Variants in AGMO observed in about 807,000 individuals in gnomAD.
AGMO encodes glyceryl-ether monooxygenase.
In AGMO, 75 loss-of-function variants were observed where a neutral mutation model predicts 60.2. That is an observed-to-expected ratio of 1.25 (90% CI 1.03 to 1.51). The LOEUF (loss-of-function observed/expected upper bound fraction) is 1.51, where lower values mean the gene tolerates loss of function less well. AGMO is among the 40% of genes most tolerant of loss of function. The pLI, the probability that AGMO is intolerant of heterozygous loss-of-function variation, is 0.00. For synonymous variants in AGMO, 261 were observed against 177.1 expected (o/e 1.47, Z -3.76); for missense variants, 763 against 525.5 (o/e 1.45, Z -4.42).
chr7:15,401,153 T>G (rs1179330623), intron 5 of AGMO, among the ~76,000 whole-genome samples: 1 of 152,170 alleles, frequency 6.6e-6, no homozygotes, highest in Non-Finnish European at 1.5e-5. Context: ...ACCTAAAAAA[T>G]GTAATTCTGT....
chr7:15,121,314 C>T, the AGMO span, among the ~76,000 whole-genome samples: 2 of 152,082 alleles, frequency 1.3e-5, no homozygotes, highest in African/African-American at 4.8e-5. Context: ...TAGAATGATT[C>T]ATAATCCTTT....
At chr7:15,316,729 CT>C (rs1655716935) in intron 12 of AGMO, among the ~76,000 whole-genome samples, 2 of 152,138 alleles carry the variant, frequency 1.3e-5, no homozygotes, top group African/African-American at 4.8e-5. Context: ...AACGTTTCCC[CT>C]CTCACTGTTT....
the AGMO span, among the ~76,000 whole-genome samples, chr7:15,174,287 C>G: frequency 6.6e-6 from 1 of 152,044 alleles, no homozygotes; most frequent in Non-Finnish European, 1.5e-5. Context: ...ATCTGGAAAA[C>G]TAAAGTTAAC....
chr7:15,354,452 GTA>G (rs374538625), intron 12 of AGMO, among the ~76,000 whole-genome samples: 383 of 22,170 alleles, frequency 0.017, 23 homozygotes, highest in Middle Eastern at 0.05. Flanking sequence ...ACACGTGTGT[GTA>G]TACACACGTG....
At chr7:15,423,149 C>A (rs34979348) in intron 4 of AGMO, among the ~76,000 whole-genome samples, 6 of 152,068 alleles carry the variant, frequency 3.9e-5, no homozygotes, top group African/African-American at 1.4e-4. Context: ...GTACATATTT[C>A]TAGGATTTTC....
chr7:15,390,851 T>C lies in AGMO; in HGVS notation c.731A>G (p.Asp244Gly). Residue 244 changes from aspartate (D) to glycine (G), a missense_variant, in exon 7 of 13, where the codon GAT becomes GGT. By Grantham distance (94) the Asp-to-Gly change is moderately conservative. Coordinates refer to ENST00000342526, the MANE Select transcript of AGMO (RefSeq NM_001004320.2). Reference sequence around the variant, plus strand: ...TACATTTTACTTACCAAAAATTTTATCCCAAATAATAAGAACACCAGCATA... The same window carrying C: ...TACATTTTACTTACCAAAAATTTTACCCCAAATAATAAGAACACCAGCATA... ...KNYAGVLIIW[D>G]KIFGTFEAEN... 6.2e-7 allele frequency: 1 copy of C among 1,605,362 alleles called. No homozygotes were observed. Among genetic ancestry groups the C allele is most frequent in the African/African-American group, 1.3e-5 (1 of 74,840 alleles).
chr7:15,397,452 C>T (rs887388236), intron 5 of AGMO, among the ~76,000 whole-genome samples: 1 of 152,146 alleles, frequency 6.6e-6, no homozygotes, highest in East Asian at 1.9e-4. Context: ...GAGGGCCCCC[C>T]ACAGCGCAGC....
At chr7:15,223,065 T>C (rs113453002) in intron 12 of AGMO, among the ~76,000 whole-genome samples, 3 of 152,158 alleles carry the variant, frequency 2.0e-5, no homozygotes, top group African/African-American at 7.2e-5. Flanking sequence ...TGTAGTTTAG[T>C]TTTATATTTA....
intron 12 of AGMO, among the ~76,000 whole-genome samples, chr7:15,222,147 T>C (rs975018919): frequency 6.6e-6 from 1 of 152,124 alleles, no homozygotes; most frequent in African/African-American, 2.4e-5. Flanking sequence ...TTTTAGTCAC[T>C]TTATTAAAGC....
At chr7:15,493,353 ACACACACAC>A (rs1353317333) in intron 3 of AGMO, among the ~76,000 whole-genome samples, 1 of 83,340 alleles carries the variant, frequency 1.2e-5, no homozygotes, top group Admixed American at 1.6e-4. Context: ...ACACACACAC[ACACACACAC>A]TTCTTTTTTT....
the AGMO span, among the ~76,000 whole-genome samples, chr7:15,121,952 C>T: frequency 6.6e-6 from 1 of 152,086 alleles, no homozygotes; most frequent in African/African-American, 2.4e-5. Context: ...CCATTAAAAA[C>T]CCTGGAAGAA....
At chr7:15,341,707 G>T (rs879453568) in intron 12 of AGMO, among the ~76,000 whole-genome samples, 1 of 152,070 alleles carries the variant, frequency 6.6e-6, no homozygotes, top group Non-Finnish European at 1.5e-5. Context: ...ACATACCTGA[G>T]AGAGTGGGTA....
the AGMO span, among the ~76,000 whole-genome samples, chr7:15,172,379 G>A: frequency 6.6e-6 from 1 of 152,080 alleles, no homozygotes; most frequent in African/African-American, 2.4e-5. Context: ...CTGGGTTCAG[G>A]TTGAAGATGG....
intron 3 of AGMO, among the ~76,000 whole-genome samples, chr7:15,455,885 C>A (rs1186415286): frequency 6.6e-6 from 1 of 151,974 alleles, no homozygotes. Context: ...GCATTTAAGT[C>A]GAGATTTTTG....
chr7:15,150,098 T>G, the AGMO span, among the ~76,000 whole-genome samples: 575 of 152,184 alleles, frequency 3.8e-3, 5 homozygotes, highest in African/African-American at 0.013. Context: ...GGCCCTCAGC[T>G]TGGACATTAT....
intron 12 of AGMO, among the ~76,000 whole-genome samples, chr7:15,222,652 A>G (rs981333091): frequency 6.6e-6 from 1 of 152,044 alleles, no homozygotes; most frequent in Admixed American, 6.6e-5. Flanking sequence ...TTTCTTTATA[A>G]TGAACATTTT....
At chr7:15,528,266 C>G (rs77431335) in intron 3 of AGMO, among the ~76,000 whole-genome samples, 1,804 of 152,064 alleles carry the variant, frequency 0.012, 33 homozygotes, top group African/African-American at 0.042. Flanking sequence ...CAATTGCACA[C>G]TTAGTAAACG....
At chr7:15,549,945 A>G (rs1784899644) in intron 2 of AGMO, among the ~76,000 whole-genome samples, 1 of 150,288 alleles carries the variant, frequency 6.7e-6, no homozygotes, top group African/African-American at 2.4e-5. Flanking sequence ...ATGTAAAAGA[A>G]CAGAAATTAT....
chr7:15,536,790 A>C lies in AGMO; in HGVS notation c.409+7982T>G, dbSNP rs144654441. Reference sequence around the variant, plus strand: ...AGCTGATGATTACCGCAAAAATCTTAATGTACCCTTTTAGTAATTCACACA... The same window carrying C: ...AGCTGATGATTACCGCAAAAATCTTCATGTACCCTTTTAGTAATTCACACA... On this transcript the variant is annotated intron_variant, in intron 3 of 12. Coordinates refer to ENST00000342526, the MANE Select transcript of AGMO (RefSeq NM_001004320.2). Among the ~76,000 whole-genome samples the C allele has an allele frequency of 2.8e-3, 423 of 152,076 alleles. 3 individuals are homozygous for C. The highest frequency in any genetic ancestry group is 9.6e-3 in the African/African-American group (397 of 41,544).
Sources: allele counts gnomAD v4.1 joint callset (sites outside exome capture counted in the v4.1 genomes callset), GRCh38; gene constraint gnomAD v4.1.1; transcripts MANE v1.5; gene names NCBI Gene and HGNC (gene_info 2026-07-23, HGNC 2026-07-21).